Variants in SFXN1 observed in about 807,000 individuals in gnomAD.
The protein encoded by SFXN1 is sideroflexin-1.
In SFXN1, 32 loss-of-function variants were observed where a neutral mutation model predicts 39.5. That is an observed-to-expected ratio of 0.81 (90% CI 0.61 to 1.09). SFXN1 has a LOEUF of 1.09. Among genes scored for constraint, SFXN1 ranks in the 50% least tolerant of loss-of-function variants. The pLI is 0.00. For synonymous variants in SFXN1, 136 were observed against 146.5 expected, an observed-to-expected ratio of 0.93 and a Z score of 0.52; for missense variants, 402 against 407.1, an observed-to-expected ratio of 0.99 and a Z score of 0.11.
At chr5:175,500,633 C>T (rs922167549) in intron 2 of SFXN1, among the ~76,000 whole-genome samples, 3 of 152,014 alleles carry the variant, frequency 2.0e-5, no homozygotes, top group East Asian at 1.9e-4. Context: ...CTACTTCTAA[C>T]GTTTATGTGG....
At chr5:175,518,130 C>G (rs936602790) in intron 8 of SFXN1, among the ~76,000 whole-genome samples, 1 of 152,104 alleles carries the variant, frequency 6.6e-6, no homozygotes, top group African/African-American at 2.4e-5. Context: ...AAGAAGTTCA[C>G]CGCCTAAAAT....
chr5:175,512,482 G>A (rs1760556375), intron 6 of SFXN1, among the ~76,000 whole-genome samples: 1 of 152,144 alleles, frequency 6.6e-6, no homozygotes, highest in Non-Finnish European at 1.5e-5. Flanking sequence ...AAGTTTAAAA[G>A]ATATATCTCA....
intron 2 of SFXN1, among the ~76,000 whole-genome samples, chr5:175,498,010 C>G (rs942866856): frequency 6.7e-6 from 1 of 149,234 alleles, no homozygotes; most frequent in African/African-American, 2.5e-5. Context: ...GATAGATCAT[C>G]TAATCACACT....
At chr5:175,508,914 C>G in intron 2 of SFXN1, 118 bp from the exon 3 acceptor site, 1 of 916,670 alleles carries the variant, frequency 1.1e-6, no homozygotes, top group Non-Finnish European at 1.6e-6. Flanking sequence ...GGATTACAGA[C>G]GTAAGCCACC....
At chr5:175,487,088 A>G (rs893843096) in intron 1 of SFXN1, among the ~76,000 whole-genome samples, 1 of 152,064 alleles carries the variant, frequency 6.6e-6, no homozygotes, top group African/African-American at 2.4e-5. Context: ...CAGGCACAGG[A>G]GGGTAAAGAA....
At chr5:175,516,199 G>T (rs1561673414) in intron 7 of SFXN1, among the ~76,000 whole-genome samples, 1 of 152,138 alleles carries the variant, frequency 6.6e-6, no homozygotes, top group Non-Finnish European at 1.5e-5. Context: ...TGGCCCAGGG[G>T]TTGGGGCCCC....
chr5:175,526,096 A>G (rs992186547), intron 10 of SFXN1: 9 of 151,594 alleles, frequency 5.9e-5, no homozygotes, highest in Admixed American at 5.2e-4. Context: ...AACAGTGGTT[A>G]TCTCTCAGCG....
rs1761084289 is a variant in SFXN1, at chr5:175,526,950, G to C, written c.*216G>C. 3.6e-6 allele frequency: 2 copies of C among 550,030 alleles called. No homozygotes were observed. 34.1% of individuals were successfully genotyped at this position (550,030 alleles called of 1,614,324 possible). A position where few individuals can be genotyped will look rare whatever the true frequency, so the allele number is the denominator to read the frequency against. On this transcript the variant is annotated 3_prime_UTR_variant, in exon 11 of 11. Coordinates refer to ENST00000321442, the MANE Select transcript of SFXN1 (RefSeq NM_022754.7). ...ACACTGAATCATGTTATGATTTATA[G>C]AAATACCTTTCCTGTAGCTTTTATA...
chr5:175,484,658 C>T lies in SFXN1; in HGVS notation c.-10+6019C>T, dbSNP rs571524478. Among the ~76,000 whole-genome samples, 11 of 152,354 alleles carry T rather than the reference C, an allele frequency of 7.2e-5. No homozygotes were observed. In the South Asian group the frequency reaches 1.9e-3, roughly 26 times the overall value. On this transcript the variant is annotated intron_variant, in intron 1 of 10. Transcript: ENST00000321442. Reference sequence around the variant, plus strand: ...GACACAAAATGGAGCCAGCACAGGGCGCGTCTCGGCGCATCCTCCTCAGCC... The same window carrying T: ...GACACAAAATGGAGCCAGCACAGGGTGCGTCTCGGCGCATCCTCCTCAGCC...
chr5:175,517,762 T>G, intron 8 of SFXN1, among the ~76,000 whole-genome samples: 2 of 152,262 alleles, frequency 1.3e-5, no homozygotes, highest in Non-Finnish European at 2.9e-5. Flanking sequence ...CATTCTATTG[T>G]GAAGGCGGGC....
intron 8 of SFXN1, among the ~76,000 whole-genome samples, chr5:175,520,182 T>C (rs1214526006): frequency 6.6e-6 from 1 of 151,960 alleles, no homozygotes; most frequent in Non-Finnish European, 1.5e-5. Flanking sequence ...TTTTGAGTTT[T>C]TTACTTCATT....
chr5:175,483,082 A>G (rs1033470617), intron 1 of SFXN1, among the ~76,000 whole-genome samples: 1 of 152,234 alleles, frequency 6.6e-6, no homozygotes, highest in African/African-American at 2.4e-5. Flanking sequence ...CCATGAAACT[A>G]TATTTACTCA....
intron 2 of SFXN1, among the ~76,000 whole-genome samples, chr5:175,503,573 C>T (rs142976053): frequency 1.6e-3 from 249 of 152,220 alleles, no homozygotes; most frequent in African/African-American, 5.8e-3. Flanking sequence ...TATCTATTTC[C>T]CATAAAATAA....
chr5:175,521,720 G>A (rs867887433), intron 8 of SFXN1, among the ~76,000 whole-genome samples, 199 bp from the exon 9 acceptor site: 11 of 152,192 alleles, frequency 7.2e-5, no homozygotes, highest in East Asian at 1.9e-4. Context: ...TGATCTTTGC[G>A]TGTGTGCTGA....
At chr5:175,518,858 CA>C (rs1374387246) in intron 8 of SFXN1, among the ~76,000 whole-genome samples, 1 of 152,092 alleles carries the variant, frequency 6.6e-6, no homozygotes, top group Non-Finnish European at 1.5e-5. Flanking sequence ...AGACTCAACA[CA>C]AAAAGCACAG....
chr5:175,494,371 G>A (rs986520915), intron 2 of SFXN1, among the ~76,000 whole-genome samples: 6 of 152,200 alleles, frequency 3.9e-5, no homozygotes, highest in African/African-American at 1.4e-4. Flanking sequence ...GATAGTAAGC[G>A]ATGTGTGCCA....
chr5:175,521,883 T>G, intron 8 of SFXN1, 36 bp from the exon 9 acceptor site: 1 of 1,561,186 alleles, frequency 6.4e-7, no homozygotes, highest in African/African-American at 1.3e-5. Context: ...AGACCCTGTA[T>G]AAAAAGTATT....
intron 1 of SFXN1, chr5:175,491,778 C>T: frequency 5.2e-6 from 1 of 191,812 alleles, no homozygotes; most frequent in South Asian, 1.3e-4. Flanking sequence ...TGAGCTGCCG[C>T]ACCCATCCTA....
At chr5:175,520,003 G>A (rs1487136143) in intron 8 of SFXN1, among the ~76,000 whole-genome samples, 2 of 150,882 alleles carry the variant, frequency 1.3e-5, no homozygotes, top group African/African-American at 2.4e-5. Context: ...CTGAGTAGCT[G>A]GAACTACAGG....
Sources: allele counts gnomAD v4.1 joint callset (sites outside exome capture counted in the v4.1 genomes callset), GRCh38; gene constraint gnomAD v4.1.1; transcripts MANE v1.5; gene names NCBI Gene and HGNC (gene_info 2026-07-23, HGNC 2026-07-21).